Variants in ACSS3 observed in about 807,000 individuals in gnomAD.
ACSS3 encodes acyl-CoA synthetase short-chain family member 3, mitochondrial.
In ACSS3, 64 loss-of-function variants were observed where a neutral mutation model predicts 84.2. That is an observed-to-expected ratio of 0.76 (90% CI 0.62 to 0.94). The LOEUF (loss-of-function observed/expected upper bound fraction) is 0.94. Among genes scored for constraint, ACSS3 ranks in the 40% least tolerant of loss-of-function variants. The pLI is 0.00. For synonymous variants in ACSS3, 317 were observed against 310.1 expected (o/e 1.02, Z -0.23); for missense variants, 815 against 867.6 (o/e 0.94, Z 0.76).
rs1442284393 is a variant in ACSS3, at chr12:81,107,503, AATATATACATATATATATATAT to A, written c.312-2049_312-2028del. ...AGAAATGTTTTTTTTTTCAGGTACA[AATATATACATATATATATATAT>A]ATATATATATATATATATATATATA... On this transcript the variant is annotated intron_variant, in intron 1 of 15. Transcript: ENST00000548058. Among the ~76,000 whole-genome samples, 87 of 59,562 alleles carry A rather than the reference AATATATACATATATATATATAT, an allele frequency of 1.5e-3. 4 individuals carry two copies. The highest frequency in any genetic ancestry group is 5.1e-3 in the South Asian group (7 of 1,378). The allele number at this position is 59,562 out of a possible 152,430, so 39.1% of individuals were successfully genotyped here.
chr12:81,109,430 C>A, intron 1 of ACSS3, 130 bp from the exon 2 acceptor site: 1 of 955,098 alleles, frequency 1.0e-6, no homozygotes, highest in Non-Finnish European at 1.5e-6. Flanking sequence ...GCTGTCATTA[C>A]TTGACATAGA....
At chr12:81,093,296 CA>C (rs1881793145) in intron 1 of ACSS3, among the ~76,000 whole-genome samples, 1 of 151,432 alleles carries the variant, frequency 6.6e-6, no homozygotes, top group African/African-American at 2.4e-5. Flanking sequence ...CTGAAAAATA[CA>C]AAAAAATTAG....
chr12:81,243,201 C>G (rs2033869318), intron 13 of ACSS3, among the ~76,000 whole-genome samples: 1 of 152,142 alleles, frequency 6.6e-6, no homozygotes, highest in South Asian at 2.1e-4. Context: ...CACAGGCATT[C>G]TTATACACCA....
At chr12:81,135,825 A>C (rs1414123606) in intron 3 of ACSS3, among the ~76,000 whole-genome samples, 1 of 152,126 alleles carries the variant, frequency 6.6e-6, no homozygotes, top group African/African-American at 2.4e-5. Flanking sequence ...TGTTAATCAC[A>C]CATTTGTTTT....
At chr12:81,166,259 A>C (rs1314622899) in intron 7 of ACSS3, among the ~76,000 whole-genome samples, 1 of 152,230 alleles carries the variant, frequency 6.6e-6, no homozygotes, top group Non-Finnish European at 1.5e-5. Context: ...AGAGATGAAA[A>C]GGGAGCTGAA....
chr12:81,196,427 G>A (rs2031831520), intron 8 of ACSS3, among the ~76,000 whole-genome samples: 1 of 151,956 alleles, frequency 6.6e-6, no homozygotes, highest in African/African-American at 2.4e-5. Context: ...ATAACATTTT[G>A]GATATATGTA....
intron 2 of ACSS3, among the ~76,000 whole-genome samples, chr12:81,127,073 T>C (rs1430804466): frequency 6.6e-6 from 1 of 151,832 alleles, no homozygotes; most frequent in Non-Finnish European, 1.5e-5. Context: ...GTAAATGTAA[T>C]GTTTTCATCT....
intron 7 of ACSS3, among the ~76,000 whole-genome samples, chr12:81,155,187 T>G (rs1181708735): frequency 6.6e-6 from 1 of 152,208 alleles, no homozygotes; most frequent in East Asian, 1.9e-4. Flanking sequence ...CTACTCCTCG[T>G]TTTCTTTCTT....
intron 11 of ACSS3, 42 bp downstream of exon 11, chr12:81,220,118 C>A: frequency 7.6e-7 from 1 of 1,323,286 alleles, no homozygotes; most frequent in South Asian, 1.6e-5. Flanking sequence ...AGGGCAAAAA[C>A]TGGTGTATAT....
Position 81,134,873 on chromosome 12 carries a change from G to T in ACSS3, c.514G>T (p.Val172Phe), listed in dbSNP as rs1054511021. Reference protein sequence around the residue: ...KHGIKKGDTVVIYMPMIPQAM... With the variant: ...KHGIKKGDTVFIYMPMIPQAM... ...TGGCATCAAGAAAGGTGACACTGTG[G>T]TTATCTACATGCCTATGATCCCACA... is the stretch of plus-strand genomic sequence containing the variant. Residue 172 changes from valine to phenylalanine, a missense_variant, in exon 3 of 16, where the codon GTT becomes TTT. Val to Phe is a conservative substitution (Grantham distance 50, BLOSUM62 -1). Coordinates refer to ENST00000548058, the MANE Select transcript of ACSS3 (RefSeq NM_024560.4). 7 of 1,598,876 alleles carry T rather than the reference G, an allele frequency of 4.4e-6. No homozygotes were observed. Among genetic ancestry groups the T allele is most frequent in the African/African-American group, 1.3e-5 (1 of 74,676 alleles).
At position 81,151,988 on chromosome 12, in the gene ACSS3, T is replaced by A. The variant is rs1451640943; in HGVS notation, c.1003-13T>A. On this transcript the variant is annotated splice_polypyrimidine_tract_variant and intron_variant, in intron 6 of 15. Transcript: ENST00000548058. ...TGAATAAAATATATTCATTTTATTA[T>A]CTTATTTTTTAGGTGTGGTGGGCAG... is the stretch of plus-strand genomic sequence containing the variant. 1.2e-6 allele frequency: 2 copies of A among 1,612,462 alleles called. No homozygotes were observed. The highest frequency in any genetic ancestry group is 1.7e-6 in the Non-Finnish European group (2 of 1,178,916).
At chr12:81,180,507 C>G (rs1207876918) in intron 8 of ACSS3, among the ~76,000 whole-genome samples, 1 of 152,056 alleles carries the variant, frequency 6.6e-6, no homozygotes, top group Non-Finnish European at 1.5e-5. Flanking sequence ...ATCTATGTAT[C>G]TATCTGTCTG....
At chr12:81,108,381 C>CAGTT (rs2121505684) in intron 1 of ACSS3, among the ~76,000 whole-genome samples, 1 of 152,010 alleles carries the variant, frequency 6.6e-6, no homozygotes, top group Admixed American at 6.6e-5. Flanking sequence ...TGGGTTCAAG[C>CAGTT]AGTTCTCTGC....
At chr12:81,085,296 T>TA (rs749248157) in intron 1 of ACSS3, among the ~76,000 whole-genome samples, 25 of 152,338 alleles carry the variant, frequency 1.6e-4, no homozygotes, top group Admixed American at 3.3e-4. Flanking sequence ...TCTTTTTAAA[T>TA]ACTACAGTGA....
chr12:81,108,181 A>G (rs376135945), intron 1 of ACSS3, among the ~76,000 whole-genome samples: 4 of 151,886 alleles, frequency 2.6e-5, no homozygotes, highest in Admixed American at 6.6e-5. Flanking sequence ...CAAATTTGCT[A>G]TTATTGAAAT....
At chr12:81,151,973 A>G (rs548677104) in intron 6 of ACSS3, 28 bp from the exon 7 acceptor site, 19 of 1,609,684 alleles carry the variant, frequency 1.2e-5, no homozygotes, top group Admixed American at 3.3e-5. Context: ...TGAATAAAAT[A>G]TATTCATTTT....
chr12:81,111,079 G>T (rs568713724), intron 2 of ACSS3, among the ~76,000 whole-genome samples: 1 of 152,062 alleles, frequency 6.6e-6, no homozygotes, highest in African/African-American at 2.4e-5. Flanking sequence ...GCTAGGCTGG[G>T]TATCAGCCTG....
chr12:81,251,965 G>C (rs1371115539), intron 13 of ACSS3, among the ~76,000 whole-genome samples: 2 of 152,140 alleles, frequency 1.3e-5, no homozygotes, highest in Admixed American at 1.3e-4. Flanking sequence ...TGAGTTGGAA[G>C]TTCCTAGCAC....
intron 2 of ACSS3, among the ~76,000 whole-genome samples, chr12:81,123,609 C>A (rs955876363): frequency 3.3e-5 from 5 of 150,662 alleles, no homozygotes; most frequent in African/African-American, 7.5e-5. Flanking sequence ...TTCTCACCCC[C>A]CTCTCACCCT....
Sources: gnomAD v4.1 joint callset for allele counts (sites outside exome capture counted in the v4.1 genomes callset) on GRCh38, gnomAD v4.1.1 for gene constraint, MANE v1.5 for transcripts, NCBI Gene and HGNC (gene_info 2026-07-23, HGNC 2026-07-21) for gene names.